The following CDK12 variants were observed in gnomAD, a reference collection of about 807,000 sequenced individuals.
CDK12 encodes the protein cyclin dependent kinase 12, also known as cyclin-dependent kinase 12.
Under a neutral mutation model 133.8 loss-of-function variants are expected in CDK12, and 17 were observed. The observed-to-expected ratio is 0.13, with a 90% confidence interval of 0.09 to 0.19. The LOEUF is 0.19. Ranked by LOEUF, CDK12 falls within the 10% of genes least tolerant of loss-of-function variation. CDK12 has a pLI of 1.00. For synonymous variants in CDK12, 694 were observed against 683.6 expected, an observed-to-expected ratio of 1.02 and a Z score of -0.24; for missense variants, 1,508 against 1,818.7, an observed-to-expected ratio of 0.83 and a Z score of 3.11.
Position 39,526,160 on chromosome 17 carries a change from A to G in CDK12, c.3604A>G (p.Thr1202Ala), listed in dbSNP as rs1361178302. ...ACAGACGACCCTTGAAGCTTCAAGC[A>G]CACCAGCTGACATGCAGAATATATT... ...AEQTTLEASS[T>A]PADMQNILAV... The change falls in exon 13 of 14, where the codon ACA becomes GCA. Residue 1202 changes from threonine (T) to alanine (A), a missense_variant. By Grantham distance (58) the Thr-to-Ala change is moderately conservative. Coordinates refer to ENST00000447079, the MANE Select transcript of CDK12 (RefSeq NM_016507.4). 6.2e-7 allele frequency: 1 copy of G among 1,614,176 alleles called. No homozygotes were observed. The highest frequency in any genetic ancestry group is 8.5e-7 in the Non-Finnish European group (1 of 1,180,036).
At chr17:39,536,263 C>T (rs1484686811), downstream of CDK12, among the ~76,000 whole-genome samples, 4 of 152,174 alleles carry the variant, frequency 2.6e-5, no homozygotes, top group African/African-American at 7.2e-5. Flanking sequence ...GTATTGATTG[C>T]TTAACCCTAC....
chr17:39,516,199 C>A (rs1017884923), intron 9 of CDK12, among the ~76,000 whole-genome samples: 1 of 151,984 alleles, frequency 6.6e-6, no homozygotes, highest in Non-Finnish European at 1.5e-5. Context: ...TCAAAGAATT[C>A]AGAGTTTAGT....
At chr17:39,502,079 G>A (rs757703037) in intron 6 of CDK12, among the ~76,000 whole-genome samples, 3 of 151,604 alleles carry the variant, frequency 2.0e-5, no homozygotes, top group Non-Finnish European at 2.9e-5. Flanking sequence ...TCCTGACCTC[G>A]TGATCCACCC....
downstream of CDK12, chr17:39,534,911 A>G (rs1161741593): frequency 6.6e-6 from 1 of 152,508 alleles, no homozygotes; most frequent in African/African-American, 2.4e-5. Context: ...AGTTGGTAAG[A>G]GGCTGTTTAG....
downstream of CDK12, among the ~76,000 whole-genome samples, chr17:39,536,199 AT>A (rs1220976325): frequency 6.6e-6 from 1 of 151,848 alleles, no homozygotes; most frequent in African/African-American, 2.4e-5. Flanking sequence ...TCTTTTCCCT[AT>A]TTCTCTTTCT....
At chr17:39,525,788 C>CTGTTGCCAGTTGA in intron 12 of CDK12, 76 bp from the exon 13 acceptor site, 1 of 1,053,514 alleles carries the variant, frequency 9.5e-7, no homozygotes, top group Non-Finnish European at 1.4e-6. Context: ...TTGTAAGTTG[C>CTGTTGCCAGTTGA]TGTTGCCAGT....
In CDK12 at chr17:39,533,312, T is replaced by C. The variant is rs2054974136; in HGVS notation, c.*1996T>C. 1 of 233,016 alleles carries C rather than the reference T, an allele frequency of 4.3e-6. No homozygotes were observed. The highest frequency in any genetic ancestry group is 1.8e-4 in the South Asian group (1 of 5,530). 14.4% of individuals were successfully genotyped at this position (233,016 alleles called of 1,614,324 possible). ...GTGTGTCCAGTTAGATTTACTAGGC[T>C]TACTGACATGCTATTGGTAAATCGC... On this transcript the variant is annotated 3_prime_UTR_variant, in exon 14 of 14. Transcript: ENST00000447079.
intron 6 of CDK12, among the ~76,000 whole-genome samples, chr17:39,505,854 A>G (rs2053082743): frequency 6.6e-6 from 1 of 152,178 alleles, no homozygotes; most frequent in African/African-American, 2.4e-5. Flanking sequence ...GAATTTTGGT[A>G]TATGTGGGAG....
At position 39,526,125 on chromosome 17, in the gene CDK12, C is replaced by A; in HGVS notation, c.3569C>A (p.Pro1190His). 1 of 1,614,228 alleles carries A rather than the reference C, an allele frequency of 6.2e-7. No homozygotes were observed. Among genetic ancestry groups the A allele is most frequent in the South Asian group, 1.1e-5 (1 of 91,088 alleles). ...KEAPSAPVIL[P>H]SAEQTTLEAS... is the part of the protein sequence containing the mutation. ...GCACCCTCTGCCCCAGTGATCCTGC[C>A]TTCAGCAGAACAGACGACCCTTGAA... is the stretch of plus-strand genomic sequence containing the variant. Residue 1190 changes from proline to histidine, a missense_variant, in exon 13 of 14, where the codon CCT (proline) becomes CAT (histidine). This residue lies in a region of CDK12 where 399 missense variants were observed against 469.6 expected (regional missense o/e 0.85). Coordinates refer to ENST00000447079, the MANE Select transcript of CDK12 (RefSeq NM_016507.4).
chr17:39,501,347 C>A lies in CDK12; in HGVS notation c.2517C>A (p.Phe839Leu), dbSNP rs773472616. 1.1e-5 allele frequency: 17 copies of A among 1,613,500 alleles called. No individual in the cohort carries two copies. Among genetic ancestry groups the A allele is most frequent in the Non-Finnish European group, 1.4e-5 (17 of 1,179,656 alleles). ...VHFSEDHIKSFMKQLMEGLEY... is the reference protein window; with the variant it reads ...VHFSEDHIKSLMKQLMEGLEY... ...TTTCTGAGGACCATATCAAGTCGTTCATGAAACAGCTAATGGAAGGATTGG... is the reference window on the plus strand; with the variant it reads ...TTTCTGAGGACCATATCAAGTCGTTAATGAAACAGCTAATGGAAGGATTGG... The change falls in exon 6 of 14, where the codon TTC becomes TTA. Residue 839 changes from phenylalanine to leucine, a missense_variant. Physicochemically the swap from Phe to Leu is conservative, Grantham distance 22. Coordinates refer to ENST00000447079, the MANE Select transcript of CDK12 (RefSeq NM_016507.4).
chr17:39,514,864 T>C (rs1479158247), intron 8 of CDK12, among the ~76,000 whole-genome samples: 1 of 152,162 alleles, frequency 6.6e-6, no homozygotes, highest in Non-Finnish European at 1.5e-5. Flanking sequence ...TGTGCCCTTT[T>C]GTAATCCCTT....
chr17:39,511,285 T>C (rs1428853436), intron 7 of CDK12, among the ~76,000 whole-genome samples: 1 of 149,278 alleles, frequency 6.7e-6, no homozygotes, highest in Non-Finnish European at 1.5e-5. Flanking sequence ...TGGCCTCAAA[T>C]GATTCTCCCC....
chr17:39,515,916 A>G, intron 9 of CDK12, 108 bp downstream of exon 9: 1 of 679,232 alleles, frequency 1.5e-6, no homozygotes, highest in Non-Finnish European at 2.5e-6. Flanking sequence ...TCTTATGTCC[A>G]AGTAAGTTTC....
Position 39,471,753 on chromosome 17 carries a change from G to A in CDK12, c.1921G>A (p.Asp641Asn). The A allele has an allele frequency of 2.5e-6, 4 of 1,611,218 alleles. No individual in the cohort carries two copies. The highest frequency in any genetic ancestry group is 3.4e-6 in the Non-Finnish European group (4 of 1,178,494). ...CCCACCCTTATTACCTGGAGATGAT[G>A]ACATGGATAGGTAAGTCCTATAGTG... ...PLPPLLPGDD[D>N]MDSPKETLPS... Residue 641 changes from aspartate to asparagine, a missense_variant, in exon 2 of 14, where the codon GAC becomes AAC. By Grantham distance (23) the Asp-to-Asn change is conservative (BLOSUM62 1). Transcript: ENST00000447079.
Position 39,541,183 on chromosome 17 carries a change from C to T in CDK12, c.451-3066C>T, listed in dbSNP as rs557323252. On this transcript the variant is annotated intron_variant and NMD_transcript_variant, in intron 1 of 4. Transcript: ENST00000559663. ...CACAGTTGAGTTGGATTAGCAGCTA[C>T]TACTTATGGGGGGCTCCCTAGGTGT... Among the ~76,000 whole-genome samples, 10 of 150,190 alleles carry T rather than the reference C, an allele frequency of 6.7e-5. No homozygotes were observed. In the South Asian group the frequency reaches 2.1e-3, roughly 32 times the overall value.
In CDK12 at chr17:39,476,423, T is replaced by G. The variant is rs80212343; in HGVS notation, c.1931+4660T>G. ...CGTGCCCCAACTATTTATTATTTTA[T>G]TTATTTATTTTTTGAGATGGAATTT... On this transcript the variant is annotated intron_variant, in intron 2 of 13. Coordinates refer to ENST00000447079, the MANE Select transcript of CDK12 (RefSeq NM_016507.4). 4.5e-3 allele frequency among the ~76,000 whole-genome samples: 685 copies of G among 151,978 alleles called. 18 individuals carry two copies. The highest frequency in any genetic ancestry group is 0.034 in the Admixed American group (511 of 15,196).
rs764846162 is a variant in CDK12, at chr17:39,495,461, TG to T, written c.2419+769del. 4.1e-5 allele frequency among the ~76,000 whole-genome samples: 6 copies of T among 147,042 alleles called. No homozygotes were observed. In the East Asian group the frequency reaches 6.2e-4, roughly 15 times the overall value. On this transcript the variant is annotated intron_variant, in intron 5 of 13. Transcript: ENST00000447079. ...AATGGATATGATGCATGTATGCCTTTGGTGGAAAAACTGAAAATATAGAAGA... is the reference window on the plus strand; with the variant it reads ...AATGGATATGATGCATGTATGCCTTTGTGGAAAAACTGAAAATATAGAAGA...
chr17:39,479,815 CAGG>C (rs2050494048), intron 2 of CDK12, among the ~76,000 whole-genome samples: 1 of 151,918 alleles, frequency 6.6e-6, no homozygotes, highest in Non-Finnish European at 1.5e-5. Flanking sequence ...TTAGTAGAGA[CAGG>C]GTCTCCTCAT....
At chr17:39,466,307 CAA>C (rs370044004) in intron 1 of CDK12, among the ~76,000 whole-genome samples, 17 of 94,430 alleles carry the variant, frequency 1.8e-4, no homozygotes, top group Non-Finnish European at 1.6e-4. Context: ...GACTGCGTCT[CAA>C]AAAAAAAAAA....
Sources: gnomAD v4.1 joint callset for allele counts (sites outside exome capture counted in the v4.1 genomes callset) on GRCh38, gnomAD v4.1.1 for gene constraint, gnomAD v4.1.1 regional missense constraint, MANE v1.5 for transcripts, NCBI Gene and HGNC (gene_info 2026-07-23, HGNC 2026-07-21) for gene names.